SDK1: variants seen among roughly 807,000 people sequenced by gnomAD.
SDK1 encodes sidekick cell adhesion molecule 1, also known as protein sidekick-1.
A neutral mutation model predicts 245.5 loss-of-function variants in SDK1; 157 were observed. The observed-to-expected ratio is 0.64, with a 90% CI of 0.56 to 0.73. The LOEUF is 0.73. Ranked by LOEUF, SDK1 falls within the 30% of genes least tolerant of loss-of-function variation. The pLI, the probability that SDK1 is intolerant of heterozygous loss-of-function variation, is 0.00. For synonymous variants in SDK1, 1,647 were observed against 1,278.5 expected (o/e 1.29, Z -6.15); for missense variants, 3,583 against 3,002.3 (o/e 1.19, Z -4.52).
At position 3,574,270 on chromosome 7, in the gene SDK1, C is replaced by T. The variant is rs150758297; in HGVS notation, c.299-44810C>T. Among the ~76,000 whole-genome samples the T allele has an allele frequency of 2.5e-3, 385 of 152,012 alleles. 4 individuals are homozygous for T. Among genetic ancestry groups the T allele is most frequent in the African/African-American group, 8.7e-3 (362 of 41,506 alleles). Reference sequence around the variant, plus strand: ...CAGCTGGGATTGCAGGCGCCTGCCACCATGCCCAGCTAATTTTTTGTATTT... The same window carrying T: ...CAGCTGGGATTGCAGGCGCCTGCCATCATGCCCAGCTAATTTTTTGTATTT... On this transcript the variant is annotated intron_variant, in intron 1 of 44. Coordinates refer to ENST00000404826, the MANE Select transcript of SDK1 (RefSeq NM_152744.4).
intron 4 of SDK1, among the ~76,000 whole-genome samples, chr7:3,680,097 G>A (rs1036048660): frequency 1.3e-5 from 2 of 152,276 alleles, no homozygotes; most frequent in Non-Finnish European, 2.9e-5. Flanking sequence ...GGAATCCTTT[G>A]CGGCAATAAA....
rs1785106511 is a variant in SDK1 at position 3,713,452 on chromosome 7, C to G, written c.713+71347C>G. Among the ~76,000 whole-genome samples the G allele has an allele frequency of 2.6e-5, 4 of 152,160 alleles. No individual in the cohort carries two copies. In the South Asian group the frequency reaches 8.3e-4, roughly 32 times the overall value. Reference sequence around the variant, plus strand: ...AAAAGATGACTGCTACACATTTTCCCTTTGCTTCCCACGGGAATGGCTTCA... The same window carrying G: ...AAAAGATGACTGCTACACATTTTCCGTTTGCTTCCCACGGGAATGGCTTCA... On this transcript the variant is annotated intron_variant, in intron 4 of 44. Transcript: ENST00000404826.
chr7:3,785,463 C>T (rs1780872230), intron 4 of SDK1, among the ~76,000 whole-genome samples: 1 of 152,044 alleles, frequency 6.6e-6, no homozygotes, highest in Non-Finnish European at 1.5e-5. Context: ...TACATTTATG[C>T]AATTGTGAAT....
In SDK1 at chr7:3,387,559, C is replaced by G. The variant is rs80354344; in HGVS notation, c.298+85675C>G. The stretch of plus-strand genomic sequence containing the variant: ...CACAGTGGAGTTTTTAATCCTGTAC[C>G]CAGGTCTGTTGTGAGGATAAATGGT... On this transcript the variant is annotated intron_variant, in intron 1 of 44. Transcript: ENST00000404826. Among the ~76,000 whole-genome samples, 746 of 152,096 alleles carry G rather than the reference C, an allele frequency of 4.9e-3. 10 individuals carry two copies. The highest frequency in any genetic ancestry group is 0.017 in the African/African-American group (691 of 41,454).
intron 5 of SDK1, among the ~76,000 whole-genome samples, chr7:3,824,271 T>C (rs1244249730): frequency 1.3e-5 from 2 of 152,224 alleles, no homozygotes; most frequent in Non-Finnish European, 2.9e-5. Context: ...ATGTAGGCTT[T>C]TGTGGAAACA....
rs1779922323 is a variant in SDK1, at chr7:4,145,736, T to TTCCCCCAACAGATCCTGCATAGGACA, written c.4243_4244insTCCCCCAACAGATCCTGCATAGGACA (p.Tyr1415PhefsTer29). On this transcript the variant is annotated frameshift_variant, in exon 29 of 45. Coordinates refer to ENST00000404826, the MANE Select transcript of SDK1 (RefSeq NM_152744.4). LOFTEE classifies it high-confidence loss of function. ...CCTGCCTGCAGGGTACCAGATTGCC[T>TTCCCCCAACAGATCCTGCATAGGACA]ACCGCCTGGCCAGCAGCAGCCCCCA... 1 of 1,607,610 alleles carries TTCCCCCAACAGATCCTGCATAGGACA rather than the reference T, an allele frequency of 6.2e-7. No individual in the cohort carries two copies. The highest frequency in any genetic ancestry group is 8.5e-7 in the Non-Finnish European group (1 of 1,177,064).
At chr7:4,139,561 A>ATGTGTGTGTGTATG (rs71032928) in intron 28 of SDK1, among the ~76,000 whole-genome samples, 3,527 of 21,530 alleles carry the variant, frequency 0.16, 836 homozygotes, top group Admixed American at 0.24. Flanking sequence ...ATATGTATAT[A>ATGTGTGTGTGTATG]TGTGTGTATA....
chr7:3,607,391 A>C (rs1187525968), intron 1 of SDK1, among the ~76,000 whole-genome samples: 1 of 152,218 alleles, frequency 6.6e-6, no homozygotes, highest in Non-Finnish European at 1.5e-5. Flanking sequence ...GTGCGTTAGT[A>C]AAACCGACTA....
chr7:3,925,328 G>A (rs773578788), intron 5 of SDK1, among the ~76,000 whole-genome samples: 28 of 152,230 alleles, frequency 1.8e-4, no homozygotes, highest in African/African-American at 5.3e-4. Flanking sequence ...GAGAAGCTGC[G>A]TAGAAGCCCT....
rs150308543 is a variant in SDK1 at position 3,476,996 on chromosome 7, T to A, written c.299-142084T>A. ...CCATATGGCTGAAGAAGCTAGCATG[T>A]GCAAGAAGAGGGCAGATTTGAGAGA... On this transcript the variant is annotated intron_variant, in intron 1 of 44. Transcript: ENST00000404826. Among the ~76,000 whole-genome samples, 1,359 of 152,242 alleles carry A rather than the reference T, an allele frequency of 8.9e-3. 23 individuals carry two copies. Among genetic ancestry groups the A allele is most frequent in the African/African-American group, 0.031 (1,296 of 41,534 alleles).
At chr7:4,213,980 C>T (rs753970488) in intron 38 of SDK1, among the ~76,000 whole-genome samples, 2 of 152,206 alleles carry the variant, frequency 1.3e-5, no homozygotes, top group Non-Finnish European at 2.9e-5. Context: ...GAGCTCAAGT[C>T]GGGCACTGTG....
intron 1 of SDK1, among the ~76,000 whole-genome samples, chr7:3,416,880 G>T (rs1779380067): frequency 6.6e-6 from 1 of 152,100 alleles, no homozygotes; most frequent in Non-Finnish European, 1.5e-5. Context: ...AGTGATAAAA[G>T]TGAGCCATGC....
At chr7:3,949,453 C>T (rs377157295) in intron 5 of SDK1, among the ~76,000 whole-genome samples, 6 of 152,218 alleles carry the variant, frequency 3.9e-5, no homozygotes, top group Non-Finnish European at 8.8e-5. Context: ...CGGCCCTCAC[C>T]CCACCGCCAG....
intron 1 of SDK1, among the ~76,000 whole-genome samples, chr7:3,314,628 A>T (rs1415921752): frequency 6.6e-6 from 1 of 152,198 alleles, no homozygotes; most frequent in Admixed American, 6.5e-5. Context: ...TATCTGTATC[A>T]TGGAATGTTA....
chr7:3,584,718 A>G (rs1413805037), intron 1 of SDK1, among the ~76,000 whole-genome samples: 1 of 142,706 alleles, frequency 7.0e-6, no homozygotes, highest in Non-Finnish European at 1.5e-5. Flanking sequence ...GGGGTGACCC[A>G]TGACTTCACG....
intron 1 of SDK1, among the ~76,000 whole-genome samples, chr7:3,312,425 G>C (rs1200590315): frequency 6.6e-6 from 1 of 152,106 alleles, no homozygotes; most frequent in African/African-American, 2.4e-5. Context: ...GAGATGATAG[G>C]ATATATGAAA....
chr7:3,833,921 TATTAAGCCATGTTGCCCCCA>T (rs1779972161), intron 5 of SDK1, among the ~76,000 whole-genome samples: 1 of 152,212 alleles, frequency 6.6e-6, no homozygotes, highest in Admixed American at 6.5e-5. Flanking sequence ...GAAGGATGGA[TATTAAGCCATGTTGCCCCCA>T]CTGGCCTCCA....
chr7:3,836,848 C>T (rs1211801532), intron 5 of SDK1, among the ~76,000 whole-genome samples: 1 of 152,100 alleles, frequency 6.6e-6, no homozygotes, highest in East Asian at 1.9e-4. Flanking sequence ...GTTCTGAAAA[C>T]TGGAAGTCCA....
chr7:3,965,790 G>A (rs1223769848), intron 9 of SDK1, among the ~76,000 whole-genome samples: 1 of 152,048 alleles, frequency 6.6e-6, no homozygotes, highest in Non-Finnish European at 1.5e-5. Context: ...CAGACAGTGT[G>A]GCTGCCGGGT....
Sources: gnomAD v4.1 joint callset for allele counts (sites outside exome capture counted in the v4.1 genomes callset) on GRCh38, gnomAD v4.1.1 for gene constraint, MANE v1.5 for transcripts, NCBI Gene and HGNC (gene_info 2026-07-23, HGNC 2026-07-21) for gene names.